The following DEPDC1B variants were observed in gnomAD, a reference collection of about 807,000 sequenced individuals.
DEPDC1B encodes DEP domain containing 1B.
In DEPDC1B, 51 loss-of-function variants were observed where a neutral mutation model predicts 66.5. The observed-to-expected ratio is 0.77, with a 90% confidence interval of 0.61 to 0.97. The LOEUF (loss-of-function observed/expected upper bound fraction) is 0.97, where lower values mean the gene tolerates loss of function less well. Among genes scored for constraint, DEPDC1B ranks in the 50% least tolerant of loss-of-function variants. The probability of loss-of-function intolerance (pLI) is 0.00; values close to 1 mark genes in which losing one functional copy is unlikely to be tolerated. For synonymous variants in DEPDC1B, 226 were observed against 223.6 expected (o/e 1.01, Z -0.10); for missense variants, 552 against 637.1 (o/e 0.87, Z 1.44).
intron 1 of DEPDC1B, among the ~76,000 whole-genome samples, chr5:60,699,464 A>AAAAAAAAAAAAAAAAAAT: frequency 6.6e-6 from 1 of 150,886 alleles, no homozygotes; most frequent in Admixed American, 6.6e-5. Flanking sequence ...AAAAAAAAAC[A>AAAAAAAAAAAAAAAAAAT]GGAACTCAGA....
intron 9 of DEPDC1B, among the ~76,000 whole-genome samples, chr5:60,603,114 C>T (rs1561353724): frequency 6.6e-6 from 1 of 152,166 alleles, no homozygotes; most frequent in African/African-American, 2.4e-5. Context: ...TCATTTCCAT[C>T]AGTAGGTGTA....
intron 1 of DEPDC1B, among the ~76,000 whole-genome samples, chr5:60,692,776 A>G (rs1754575952): frequency 6.6e-6 from 1 of 152,190 alleles, no homozygotes; most frequent in Admixed American, 6.5e-5. Context: ...CATCAACATA[A>G]TAAGTTATAA....
At chr5:60,681,177 C>T (rs2112016596) in intron 2 of DEPDC1B, among the ~76,000 whole-genome samples, 1 of 152,262 alleles carries the variant, frequency 6.6e-6, no homozygotes, top group African/African-American at 2.4e-5. Context: ...TCCCTTCAGA[C>T]CAGCCCACCC....
At chr5:60,625,881 T>C (rs113710244) in intron 7 of DEPDC1B, among the ~76,000 whole-genome samples, 1,887 of 152,294 alleles carry the variant, frequency 0.012, 15 homozygotes, top group Non-Finnish European at 0.02. Flanking sequence ...AGCTCACTGA[T>C]CTTTAACTTC....
intron 2 of DEPDC1B, among the ~76,000 whole-genome samples, chr5:60,650,676 T>C (rs1230224321): frequency 1.3e-5 from 2 of 152,182 alleles, no homozygotes; most frequent in East Asian, 1.9e-4. Context: ...GTATGGACTG[T>C]TCAATAAATA....
At chr5:60,611,017 T>G (rs1752405091) in intron 7 of DEPDC1B, among the ~76,000 whole-genome samples, 1 of 152,332 alleles carries the variant, frequency 6.6e-6, no homozygotes, top group Non-Finnish European at 1.5e-5. Flanking sequence ...TTAGTTGCTT[T>G]GCAGGTATTA....
Position 60,700,139 on chromosome 5 carries a change from G to T in DEPDC1B, c.-46C>A, listed in dbSNP as rs375154504. 21 of 1,525,646 alleles carry T rather than the reference G, an allele frequency of 1.4e-5. No homozygotes were observed. The highest frequency in any genetic ancestry group is 1.0e-4 in the East Asian group (4 of 39,586). 94.5% of individuals were successfully genotyped at this position (1,525,646 alleles called of 1,614,324 possible). The stretch of plus-strand genomic sequence containing the variant: ...CGCAGCCGCGCCAGCGCTGATCCCC[G>T]CCAGCCGGAGGAGCAGCAGTTTGAA... On this transcript the variant is annotated 5_prime_UTR_variant, in exon 1 of 11. Transcript: ENST00000265036.
Position 60,604,218 on chromosome 5 carries a change from C to CTTTTTTTTTTTTTTTTTTTTTTT in DEPDC1B, c.1066-674_1066-652dup, listed in dbSNP as rs869142199. On this transcript the variant is annotated intron_variant, in intron 8 of 10. Transcript: ENST00000265036. ...TTCCATAGAATTGAAATTAACTATT[C>CTTTTTTTTTTTTTTTTTTTTTTT]TTTTTTTTTTTTTTTTTTTTTTTAC... is the stretch of plus-strand genomic sequence containing the variant. Among the ~76,000 whole-genome samples the CTTTTTTTTTTTTTTTTTTTTTTT allele has an allele frequency of 1.7e-4, 12 of 68,970 alleles. 3 individuals are homozygous for CTTTTTTTTTTTTTTTTTTTTTTT. The highest frequency in any genetic ancestry group is 3.1e-4 in the Non-Finnish European group (11 of 35,538). The allele number at this position is 68,970 out of a possible 152,430, so 45.2% of individuals were successfully genotyped here.
intron 3 of DEPDC1B, among the ~76,000 whole-genome samples, chr5:60,646,013 G>T (rs2111882377): frequency 6.6e-6 from 1 of 152,256 alleles, no homozygotes; most frequent in South Asian, 2.1e-4. Flanking sequence ...TATTGAAAAT[G>T]GAATTAAAAT....
chr5:60,602,708 T>A (rs1752224388), intron 9 of DEPDC1B, among the ~76,000 whole-genome samples: 1 of 152,156 alleles, frequency 6.6e-6, no homozygotes, highest in Admixed American at 6.6e-5. Flanking sequence ...CAGAAATTCA[T>A]CCTAGGAATT....
At chr5:60,683,005 C>T (rs1168138167) in intron 2 of DEPDC1B, among the ~76,000 whole-genome samples, 1 of 152,098 alleles carries the variant, frequency 6.6e-6, no homozygotes, top group Non-Finnish European at 1.5e-5. Flanking sequence ...AAAAAAGTGG[C>T]CAATGTCCCT....
intron 1 of DEPDC1B, 29 bp from the exon 2 acceptor site, chr5:60,687,256 G>A (rs1168099142): frequency 4.5e-6 from 7 of 1,571,960 alleles, no homozygotes; most frequent in Non-Finnish European, 6.0e-6. Context: ...ATGGCATTTA[G>A]TAATCAACTG....
chr5:60,687,223 T>C lies in DEPDC1B; in HGVS notation c.53A>G (p.Asn18Ser). Residue 18 changes from asparagine (N) to serine (S), a missense_variant, in exon 2 of 11, where the codon AAT (asparagine) becomes AGT (serine). Coordinates refer to ENST00000265036, the MANE Select transcript of DEPDC1B (RefSeq NM_018369.3). ...AGCACGAAAAAGCTCCACGGTCTCA[T>C]TCCACTAGGGGAAAGAAAGAGAATG... The part of the protein sequence containing the change: ...PGPYRATRLW[N>S]ETVELFRAKM... 6.2e-7 allele frequency: 1 copy of C among 1,607,548 alleles called. No individual in the cohort carries two copies. Among genetic ancestry groups the C allele is most frequent in the African/African-American group, 1.3e-5 (1 of 74,918 alleles).
At chr5:60,615,066 G>A (rs1237543468) in intron 7 of DEPDC1B, among the ~76,000 whole-genome samples, 1 of 152,196 alleles carries the variant, frequency 6.6e-6, no homozygotes, top group Non-Finnish European at 1.5e-5. Context: ...CACCACTGCA[G>A]CTAATACTTC....
At chr5:60,622,062 C>G in intron 7 of DEPDC1B, among the ~76,000 whole-genome samples, 1 of 151,916 alleles carries the variant, frequency 6.6e-6, no homozygotes, top group East Asian at 1.9e-4. Context: ...ACATGTGTTA[C>G]TTTTTTGTTC....
At position 60,601,308 on chromosome 5, in the gene DEPDC1B, A is replaced by G. The variant is rs535092296; in HGVS notation, c.1243-2048T>C. ...GGCTCATAAAAATATCAGAGGAAAA[A>G]ATTAAACTAAAACAGCAGTTAAAAT... is the stretch of plus-strand genomic sequence containing the variant. On this transcript the variant is annotated intron_variant, in intron 9 of 10. Transcript: ENST00000265036. Among the ~76,000 whole-genome samples the G allele has an allele frequency of 3.6e-4, 55 of 152,344 alleles. 2 individuals are homozygous for G. In the South Asian group the frequency reaches 9.7e-3, roughly 27 times the overall value.
intron 7 of DEPDC1B, among the ~76,000 whole-genome samples, chr5:60,634,454 C>T (rs1467746121): frequency 6.6e-6 from 1 of 152,126 alleles, no homozygotes; most frequent in Admixed American, 6.5e-5. Flanking sequence ...GGGCGGATCA[C>T]GAGATTAGGA....
At chr5:60,621,013 A>G (rs991659160) in intron 7 of DEPDC1B, among the ~76,000 whole-genome samples, 1 of 152,140 alleles carries the variant, frequency 6.6e-6, no homozygotes, top group Non-Finnish European at 1.5e-5. Flanking sequence ...ACTGGAAACC[A>G]TCATTCTCAG....
chr5:60,606,641 T>G (rs1162155102), intron 7 of DEPDC1B, among the ~76,000 whole-genome samples: 3 of 145,170 alleles, frequency 2.1e-5, no homozygotes, highest in Non-Finnish European at 3.0e-5. Context: ...AAAAAAAAAT[T>G]TAATTAGCCG....
Sources: allele counts gnomAD v4.1 joint callset (sites outside exome capture counted in the v4.1 genomes callset), GRCh38; gene constraint gnomAD v4.1.1; transcripts MANE v1.5; gene names NCBI Gene and HGNC (gene_info 2026-07-23, HGNC 2026-07-21).